The following PEX11B variants were observed in gnomAD, a reference collection of about 807,000 sequenced individuals.
The protein encoded by PEX11B is peroxisomal biogenesis factor 11 beta.
In PEX11B, 18 loss-of-function variants were observed where a neutral mutation model predicts 28.2. The ratio of observed to expected loss-of-function variants is 0.64; its 90% CI spans 0.44 to 0.95. The LOEUF (loss-of-function observed/expected upper bound fraction) is 0.95, where lower values mean the gene tolerates loss of function less well. Among genes scored for constraint, PEX11B ranks in the 40% least tolerant of loss-of-function variants. The pLI is 0.00. For missense variants in PEX11B, 305 were observed against 319.8 expected, an observed-to-expected ratio of 0.95 and a Z score of 0.35; for synonymous variants, 128 against 128.7, an observed-to-expected ratio of 0.99 and a Z score of 0.04.
chr1:145,916,420 C>G (rs587685036), intron 3 of PEX11B, among the ~76,000 whole-genome samples: 8 of 152,280 alleles, frequency 5.3e-5, no homozygotes, highest in African/African-American at 1.4e-4. Context: ...GTATCTAACT[C>G]CCTCACTAAA....
intron 1 of PEX11B, chr1:145,918,162 T>C: frequency 1.0e-6 from 1 of 985,432 alleles, no homozygotes; most frequent in Non-Finnish European, 1.2e-6. Context: ...TTGGAGGGCA[T>C]TTTATTCCTC....
chr1:145,914,266 C>T (rs1281865713), intron 3 of PEX11B, among the ~76,000 whole-genome samples: 2 of 151,806 alleles, frequency 1.3e-5, no homozygotes, highest in African/African-American at 2.4e-5. Context: ...CCCAGCTACT[C>T]AGGAGGCTGA....
chr1:145,918,482 G>T (rs2101865853), intron 1 of PEX11B, 151 bp downstream of exon 1: 2 of 1,536,876 alleles, frequency 1.3e-6, no homozygotes, highest in Non-Finnish European at 1.7e-6. Flanking sequence ...CTCAACAGCG[G>T]CTCAAATCTG....
At chr1:145,913,958 T>G (rs1647233304) in intron 3 of PEX11B, among the ~76,000 whole-genome samples, 1 of 152,226 alleles carries the variant, frequency 6.6e-6, no homozygotes, top group African/African-American at 2.4e-5. Flanking sequence ...ATCTCTTGTC[T>G]GGACTTCTGC....
At chr1:145,916,073 G>T (rs938109347) in intron 3 of PEX11B, among the ~76,000 whole-genome samples, 2 of 152,254 alleles carry the variant, frequency 1.3e-5, no homozygotes, top group Non-Finnish European at 2.9e-5. Flanking sequence ...AAAAGGCCCT[G>T]TATGAAAGAT....
At chr1:145,914,338 C>T (rs1240618165) in intron 3 of PEX11B, among the ~76,000 whole-genome samples, 1 of 150,930 alleles carries the variant, frequency 6.6e-6, no homozygotes, top group Non-Finnish European at 1.5e-5. Context: ...TGCACCATTG[C>T]GCTCCAGCCT....
Position 145,917,976 on chromosome 1 carries a change from G to T in PEX11B, c.57-160C>A, listed in dbSNP as rs1405804068. The T allele has an allele frequency of 3.1e-6, 3 of 979,474 alleles. No homozygotes were observed. In the East Asian group the frequency reaches 3.4e-4, roughly 112 times the overall value. The allele number at this position is 979,474 out of a possible 1,614,324, so 60.7% of individuals were successfully genotyped here. A position where few individuals can be genotyped will look rare whatever the true frequency, so the allele number is the denominator to read the frequency against. On this transcript the variant is annotated intron_variant, in intron 1 of 3. Coordinates refer to ENST00000369306, the MANE Select transcript of PEX11B (RefSeq NM_003846.3). The stretch of plus-strand genomic sequence containing the variant: ...TCACCATTTCTCCAGGCCAGAGGAA[G>T]GGAAAGGCATAAGGAGAAAAAAGAG...
intron 2 of PEX11B, among the ~76,000 whole-genome samples, chr1:145,917,273 A>G (rs1246008897): frequency 2.0e-5 from 3 of 152,108 alleles, no homozygotes; most frequent in African/African-American, 7.2e-5. Flanking sequence ...TCTACTAAAA[A>G]TACAAAAATT....
chr1:145,914,445 A>G (rs1647272428), intron 3 of PEX11B, among the ~76,000 whole-genome samples: 1 of 152,150 alleles, frequency 6.6e-6, no homozygotes, highest in African/African-American at 2.4e-5. Context: ...CACATTCATA[A>G]TAAAATATAA....
At chr1:145,917,559 T>C in intron 2 of PEX11B, 142 bp downstream of exon 2, 1 of 628,498 alleles carries the variant, frequency 1.6e-6, no homozygotes, top group Non-Finnish European at 2.9e-6. Context: ...TGCTCTCTTA[T>C]CTCAACTGGA....
intron 1 of PEX11B, 23 bp downstream of exon 1, chr1:145,918,610 C>A (rs782750677): frequency 8.2e-6 from 13 of 1,589,842 alleles, no homozygotes; most frequent in South Asian, 3.4e-5. Context: ...CCCGCCCCAC[C>A]CCCATTCCTA....
Position 145,917,741 on chromosome 1 carries a change from CTG to C in PEX11B, c.130_131del (p.Gln44AspfsTer19). ...RHGASPELQKQIRQLESHLSL... is the reference protein window; with the variant it reads ...RHGASPELQKXIRQLESHLSL... Reference sequence around the variant, plus strand: ...TCAGGTGGCTCTCCAGTTGTCGAATCTGTTTCTGTAACTCAGGACTGGCTCCA... The same window carrying C: ...TCAGGTGGCTCTCCAGTTGTCGAATCTTTCTGTAACTCAGGACTGGCTCCA... On this transcript the variant is annotated frameshift_variant, in exon 2 of 4. Coordinates refer to ENST00000369306, the MANE Select transcript of PEX11B (RefSeq NM_003846.3). LOFTEE classifies it high-confidence loss of function. The C allele has an allele frequency of 6.2e-7, 1 of 1,613,050 alleles. No individual in the cohort carries two copies. Among genetic ancestry groups the C allele is most frequent in the Non-Finnish European group, 8.5e-7 (1 of 1,179,002 alleles).
Position 145,917,038 on chromosome 1 carries a change from G to C in PEX11B, c.173-20C>G, listed in dbSNP as rs782371250. The C allele has an allele frequency of 2.0e-6, 3 of 1,535,896 alleles. No individual in the cohort carries two copies. Among genetic ancestry groups the C allele is most frequent in the East Asian group, 4.5e-5 (2 of 44,428 alleles). On this transcript the variant is annotated intron_variant, in intron 2 of 3. Coordinates refer to ENST00000369306, the MANE Select transcript of PEX11B (RefSeq NM_003846.3). ...GTAGAACTTGTGGAGATTAGAAAGG[G>C]AAAGCAAGGATTTGTAAGTGGAGAG... is the stretch of plus-strand genomic sequence containing the variant.
intron 3 of PEX11B, among the ~76,000 whole-genome samples, chr1:145,912,809 C>T (rs985022746): frequency 2.0e-5 from 3 of 152,060 alleles, no homozygotes; most frequent in African/African-American, 7.2e-5. Flanking sequence ...AAAATAAGGC[C>T]GGGCGTGGTG....
At chr1:145,916,470 T>C (rs1302311048) in intron 3 of PEX11B, among the ~76,000 whole-genome samples, 1 of 152,210 alleles carries the variant, frequency 6.6e-6, no homozygotes, top group Middle Eastern at 3.2e-3. Flanking sequence ...TCTGTTTAGC[T>C]CTTTGCTTTA....
In PEX11B at chr1:145,912,003, T is replaced by C. The variant is rs1249139899; in HGVS notation, c.*158A>G. The C allele has an allele frequency of 1.9e-6, 1 of 537,466 alleles. No individual in the cohort carries two copies. The allele number at this position is 537,466 out of a possible 1,614,324, so 33.3% of individuals were successfully genotyped here. A position where few individuals can be genotyped will look rare whatever the true frequency, so the allele number is the denominator to read the frequency against. ...TCCTATTAACTTCACGAGTCATCTT[T>C]CCTTACCTCATCTTCCCCAAAGCTC... On this transcript the variant is annotated 3_prime_UTR_variant, in exon 4 of 4. Transcript: ENST00000369306.
chr1:145,917,600 G>C, intron 2 of PEX11B, 101 bp downstream of exon 2: 1 of 736,244 alleles, frequency 1.4e-6, no homozygotes, highest in Non-Finnish European at 2.4e-6. Flanking sequence ...AGAGCCAAAT[G>C]AGAAAGAAGA....
intron 3 of PEX11B, among the ~76,000 whole-genome samples, chr1:145,915,363 C>T (rs1488557814): frequency 2.0e-5 from 3 of 152,100 alleles, no homozygotes; most frequent in Non-Finnish European, 4.4e-5. Context: ...GCCTCTGCTC[C>T]CACCCCTCAT....
chr1:145,918,386 G>A (rs1647537632), intron 1 of PEX11B: 1 of 1,535,664 alleles, frequency 6.5e-7, no homozygotes, highest in Non-Finnish European at 8.7e-7. Flanking sequence ...TCGGTCTTAT[G>A]TGGACACAGC....
Sources: allele counts gnomAD v4.1 joint callset (sites outside exome capture counted in the v4.1 genomes callset), GRCh38; gene constraint gnomAD v4.1.1; transcripts MANE v1.5; gene names NCBI Gene and HGNC (gene_info 2026-07-23, HGNC 2026-07-21).